MAFG: variants seen among roughly 807,000 people sequenced by gnomAD.
The protein encoded by MAFG is MAF bZIP transcription factor G.
MAFG carries 3 observed loss-of-function variants against 12.2 expected under a neutral mutation model. That is an observed-to-expected ratio of 0.25 (90% CI 0.11 to 0.64). MAFG has a LOEUF of 0.64. Ranked by LOEUF, MAFG falls within the 30% of genes least tolerant of loss-of-function variation. The pLI is 0.85. For synonymous variants in MAFG, 126 were observed against 109.1 expected, an observed-to-expected ratio of 1.15 and a Z score of -0.96; for missense variants, 153 against 235.5, an observed-to-expected ratio of 0.65 and a Z score of 2.29.
intron 1 of MAFG, among the ~76,000 whole-genome samples, chr17:81,927,226 G>A (rs2040948762): frequency 6.6e-6 from 1 of 151,580 alleles, no homozygotes; most frequent in Non-Finnish European, 1.5e-5. Context: ...CCTCCCTCCA[G>A]GACGCCCGGG....
chr17:81,926,182 T>A lies in MAFG; in HGVS notation c.-30+1346A>T, dbSNP rs1047808860. ...ACATCACTCCCAAGCTGCCACTTTCTAAGCGTCCTGGGCTGCCAGGCCAGA... is the reference window on the plus strand; with the variant it reads ...ACATCACTCCCAAGCTGCCACTTTCAAAGCGTCCTGGGCTGCCAGGCCAGA... On this transcript the variant is annotated intron_variant, in intron 1 of 2. Coordinates refer to ENST00000357736, the MANE Select transcript of MAFG (RefSeq NM_002359.4). This position sits in a 1 kb window ranked among gnomAD's most constrained non-coding sequence, Gnocchi z 4.6. Among the ~76,000 whole-genome samples the A allele has an allele frequency of 6.6e-6, 1 of 152,178 alleles. No homozygotes were observed. Among genetic ancestry groups the A allele is most frequent in the African/African-American group, 2.4e-5 (1 of 41,420 alleles).
chr17:81,923,325 T>A, intron 1 of MAFG, 111 bp from the exon 2 acceptor site: 3 of 641,810 alleles, frequency 4.7e-6, no homozygotes, highest in Non-Finnish European at 7.1e-6. Context: ...CGCCCCAGCC[T>A]GCTGTCCAGG....
At position 81,923,270 on chromosome 17, in the gene MAFG, C is replaced by G. The variant is rs973848651; in HGVS notation, c.-29-56G>C. 2.3e-4 allele frequency: 219 copies of G among 958,008 alleles called. 10 individuals are homozygous for G. In the African/African-American group the frequency reaches 4.1e-3, roughly 18 times the overall value. The allele number at this position is 958,008 out of a possible 1,614,324, so 59.3% of individuals were successfully genotyped here. On this transcript the variant is annotated intron_variant, in intron 1 of 2. Coordinates refer to ENST00000357736, the MANE Select transcript of MAFG (RefSeq NM_002359.4). ...GAGACCACCCTCGCCGCACCCCCCC[C>G]CCCCCGCCCCCGGCCCAGTTCACAA...
chr17:81,925,934 GCTCA>G (rs2040935972), intron 1 of MAFG, among the ~76,000 whole-genome samples: 1 of 150,770 alleles, frequency 6.6e-6, no homozygotes. Context: ...AAGCCCCGGG[GCTCA>G]CTGAGAGTGG....
chr17:81,925,858 A>C (rs916843466), intron 1 of MAFG, among the ~76,000 whole-genome samples: 1 of 151,862 alleles, frequency 6.6e-6, no homozygotes, highest in African/African-American at 2.4e-5. Context: ...AGGACCCCAA[A>C]ATTTTCCCAG....
upstream of MAFG, chr17:81,927,762 A>AT (rs896312916): frequency 1.3e-5 from 2 of 152,020 alleles, no homozygotes; most frequent in African/African-American, 4.8e-5. Flanking sequence ...GGCTCCATTC[A>AT]TGAAGCGGCG....
chr17:81,923,263 C>CCA (rs1491293548), intron 1 of MAFG, 49 bp from the exon 2 acceptor site: 8 of 218,660 alleles, frequency 3.7e-5, no homozygotes, highest in East Asian at 2.5e-4. Context: ...CCTCGCCGCA[C>CCA]CCCCCCCCCC....
rs777641944 is a variant in MAFG at position 81,921,768 on chromosome 17, TCTTG to T, written c.*833_*836del. The T allele has an allele frequency of 5.9e-5, 9 of 152,096 alleles. No individual in the cohort carries two copies. The highest frequency in any genetic ancestry group is 9.7e-5 in the African/African-American group (4 of 41,434). The allele number at this position is 152,096 out of a possible 1,614,324, so 9.4% of individuals were successfully genotyped here. A position where few individuals can be genotyped will look rare whatever the true frequency, so the allele number is the denominator to read the frequency against. ...TTCCATTCATATGGTCAAATGGTCTTCTTGCTTGTTTTTTTTCTAAAAGACAGTT... is the reference window on the plus strand; with the variant it reads ...TTCCATTCATATGGTCAAATGGTCTTCTTGTTTTTTTTCTAAAAGACAGTT... On this transcript the variant is annotated 3_prime_UTR_variant, in exon 3 of 3. Transcript: ENST00000357736.
In MAFG at chr17:81,921,855, A is replaced by G. The variant is rs1357493435; in HGVS notation, c.*750T>C. On this transcript the variant is annotated 3_prime_UTR_variant, in exon 3 of 3. Transcript: ENST00000357736. The stretch of plus-strand genomic sequence containing the variant: ...CTTTTAAACATATAATTAATTTAAT[A>G]ACTTTGTAAAAGGAACTTCTCTCTT... 6.6e-6 allele frequency: 1 copy of G among 152,176 alleles called. No individual in the cohort carries two copies. The highest frequency in any genetic ancestry group is 1.5e-5 in the Non-Finnish European group (1 of 68,044). 9.4% of individuals were successfully genotyped at this position (152,176 alleles called of 1,614,324 possible). A position where few individuals can be genotyped will look rare whatever the true frequency, so the allele number is the denominator to read the frequency against.
chr17:81,927,906 G>C (rs1463968220), upstream of MAFG: 1 of 152,182 alleles, frequency 6.6e-6, no homozygotes, highest in Admixed American at 6.5e-5. Flanking sequence ...GCGGGCCTGG[G>C]CGCACGGCCA....
upstream of MAFG, chr17:81,928,558 C>T (rs552970907): frequency 2.0e-5 from 3 of 152,412 alleles, no homozygotes; most frequent in East Asian, 3.9e-4. The surrounding 1 kb of genome is among the most constrained non-coding windows in gnomAD (Gnocchi z 8.1). Flanking sequence ...AGAAGCGTCC[C>T]TCCGCCTGTC....
Position 81,926,171 on chromosome 17 carries a change from C to G in MAFG, c.-30+1357G>C, listed in dbSNP as rs535283960. 2.0e-4 allele frequency among the ~76,000 whole-genome samples: 31 copies of G among 152,324 alleles called. No homozygotes were observed. Among genetic ancestry groups the G allele is most frequent in the African/African-American group, 6.0e-4 (25 of 41,552 alleles). On this transcript the variant is annotated intron_variant, in intron 1 of 2. Transcript: ENST00000357736. The surrounding 1 kb of genome is among the most constrained non-coding windows in gnomAD (Gnocchi z 4.6). ...TGGCTCTGGCCACATCACTCCCAAG[C>G]TGCCACTTTCTAAGCGTCCTGGGCT...
rs1567916031 is a variant in MAFG at position 81,926,028 on chromosome 17, G to GTGTGTGTGTGTGTGTGTGTGTGT, written c.-30+1499_-30+1500insACACACACACACACACACACACA. Among the ~76,000 whole-genome samples, 2 of 109,700 alleles carry GTGTGTGTGTGTGTGTGTGTGTGT rather than the reference G, an allele frequency of 1.8e-5. No homozygotes were observed. The highest frequency in any genetic ancestry group is 6.4e-5 in the African/African-American group (2 of 31,062). 72.0% of individuals were successfully genotyped at this position (109,700 alleles called of 152,430 possible). On this transcript the variant is annotated intron_variant, in intron 1 of 2. Coordinates refer to ENST00000357736, the MANE Select transcript of MAFG (RefSeq NM_002359.4). The surrounding 1 kb of genome is among the most constrained non-coding windows in gnomAD (Gnocchi z 4.6). ...TGTGTGTGTGTGTGTGTGTGTGTGT[G>GTGTGTGTGTGTGTGTGTGTGTGT]GCGGGGGGCGGGGGGCATCCCTGAG...
chr17:81,927,169 C>T (rs560030376), intron 1 of MAFG, among the ~76,000 whole-genome samples: 15 of 151,962 alleles, frequency 9.9e-5, no homozygotes, highest in Admixed American at 6.5e-4. Flanking sequence ...GCGCGGACCC[C>T]CGGGCGCCTC....
At position 81,922,727 on chromosome 17, in the gene MAFG, G is replaced by A. The variant is rs778853330; in HGVS notation, c.367C>T (p.Arg123Cys). The A allele has an allele frequency of 2.8e-5, 44 of 1,566,012 alleles. No homozygotes were observed. The highest frequency in any genetic ancestry group is 8.1e-5 in the South Asian group (7 of 85,954). ...CCCCGGGCTGGCGCCACGGGGCTGC[G>A]GGCCACCGTCCGGGCGAAGGTCTGC... ...ALQTFARTVA[R>C]SPVAPARGPL... Residue 123 changes from arginine to cysteine, a missense_variant, in exon 3 of 3, where the codon CGC becomes TGC. Coordinates refer to ENST00000357736, the MANE Select transcript of MAFG (RefSeq NM_002359.4).
rs2040869691 is a variant in MAFG at position 81,919,724 on chromosome 17, GCACA to G, written c.*2877_*2880del. ...GGGATCAACAGAGATCAGAAGGACA[GCACA>G]CTCACACCTGCACATGAACACACCA... On this transcript the variant is annotated 3_prime_UTR_variant, in exon 3 of 3. Transcript: ENST00000357736. The G allele has an allele frequency of 6.6e-6, 1 of 152,342 alleles. No homozygotes were observed. Among genetic ancestry groups the G allele is most frequent in the African/African-American group, 2.4e-5 (1 of 41,452 alleles). 9.4% of individuals were successfully genotyped at this position (152,342 alleles called of 1,614,324 possible).
Position 81,922,626 on chromosome 17 carries a change from G to A in MAFG, c.468C>T (p.Ser156=). ...AATSVITIVK[S]KTDARS is the part of the protein sequence containing the mutation. ...GTCCCTACGATCGGGCATCCGTCTT[G>A]GACTTTACTATTGTGATGACGCTGG... Residue 156 remains serine, a synonymous_variant, in exon 3 of 3, where the codon TCC becomes TCT. Coordinates refer to ENST00000357736, the MANE Select transcript of MAFG (RefSeq NM_002359.4). The A allele has an allele frequency of 1.3e-6, 2 of 1,493,330 alleles. No homozygotes were observed. The highest frequency in any genetic ancestry group is 1.8e-6 in the Non-Finnish European group (2 of 1,125,464). The allele number at this position is 1,493,330 out of a possible 1,614,324, so 92.5% of individuals were successfully genotyped here. A position where few individuals can be genotyped will look rare whatever the true frequency, so the allele number is the denominator to read the frequency against.
Position 81,921,807 on chromosome 17 carries a change from C to T in MAFG, c.*798G>A, listed in dbSNP as rs1300810517. On this transcript the variant is annotated 3_prime_UTR_variant, in exon 3 of 3. Coordinates refer to ENST00000357736, the MANE Select transcript of MAFG (RefSeq NM_002359.4). ...TTTCTAAAAGACAGTTTTATAAATA[C>T]TCTGCAGCTCTTTTTTCTTTAACTT... 1.3e-5 allele frequency: 2 copies of T among 151,224 alleles called. No individual in the cohort carries two copies. Among genetic ancestry groups the T allele is most frequent in the Non-Finnish European group, 2.9e-5 (2 of 67,922 alleles). The allele number at this position is 151,224 out of a possible 1,614,324, so 9.4% of individuals were successfully genotyped here. A position where few individuals can be genotyped will look rare whatever the true frequency, so the allele number is the denominator to read the frequency against.
chr17:81,923,300 C>A, intron 1 of MAFG, 86 bp from the exon 2 acceptor site: 1 of 814,338 alleles, frequency 1.2e-6, no homozygotes, highest in Non-Finnish European at 1.7e-6. Context: ...TCACAAGAGC[C>A]CTTGCCGCAC....
Sources: allele counts gnomAD v4.1 joint callset (sites outside exome capture counted in the v4.1 genomes callset), GRCh38; gene constraint gnomAD v4.1.1; non-coding constraint Gnocchi (gnomAD v3.1); transcripts MANE v1.5; gene names NCBI Gene and HGNC (gene_info 2026-07-23, HGNC 2026-07-21).